IFIH1: variants seen among roughly 807,000 people sequenced by gnomAD.
IFIH1 encodes interferon induced with helicase C domain 1.
In IFIH1, 125 loss-of-function variants were observed where a neutral mutation model predicts 107.4. The observed-to-expected ratio is 1.16, with a 90% confidence interval of 1.01 to 1.35. IFIH1 has a LOEUF of 1.35. Among genes scored for constraint, IFIH1 ranks in the 40% most tolerant of loss-of-function variants. IFIH1 has a pLI of 0.00. For missense variants in IFIH1, 1,333 were observed against 1,213.7 expected (o/e 1.10, Z -1.46); for synonymous variants, 458 against 413.2 (o/e 1.11, Z -1.31).
At chr2:162,304,709 G>T (rs1341777299) in intron 3 of IFIH1, among the ~76,000 whole-genome samples, 1 of 152,104 alleles carries the variant, frequency 6.6e-6, no homozygotes, top group East Asian at 1.9e-4. Context: ...TTTTTCAGCA[G>T]AAATATGAAA....
intron 3 of IFIH1, among the ~76,000 whole-genome samples, chr2:162,298,333 T>C (rs1337781092): frequency 6.6e-6 from 1 of 152,146 alleles, no homozygotes; most frequent in Non-Finnish European, 1.5e-5. Flanking sequence ...ACACTATTTT[T>C]CCCGAAAAGT....
At chr2:162,290,676 A>G (rs1432102111) in intron 4 of IFIH1, among the ~76,000 whole-genome samples, 1 of 151,982 alleles carries the variant, frequency 6.6e-6, no homozygotes, top group East Asian at 1.9e-4. Flanking sequence ...ATACCTGGTT[A>G]GACAGATAGC....
rs1376803972 is a variant in IFIH1, at chr2:162,318,525, G to C, written c.-218C>G. On this transcript the variant is annotated 5_prime_UTR_variant, in exon 1 of 16. Coordinates refer to ENST00000649979, the MANE Select transcript of IFIH1 (RefSeq NM_022168.4). ...GTGGGCAGGCGGGCAGGTGGGCAGCGGGGCGGCGCGCGGGGCCGCGGCAGG... is the reference window on the plus strand; with the variant it reads ...GTGGGCAGGCGGGCAGGTGGGCAGCCGGGCGGCGCGCGGGGCCGCGGCAGG... 1.6e-5 allele frequency: 5 copies of C among 319,254 alleles called. No homozygotes were observed. The highest frequency in any genetic ancestry group is 2.5e-4 in the South Asian group (2 of 8,030). 19.8% of individuals were successfully genotyped at this position (319,254 alleles called of 1,614,324 possible).
intron 5 of IFIH1, among the ~76,000 whole-genome samples, chr2:162,287,279 T>C (rs998077107): frequency 6.6e-6 from 1 of 151,894 alleles, no homozygotes; most frequent in Admixed American, 6.6e-5. Context: ...TTTTACAGTC[T>C]ACTGCTTTTT....
chr2:162,294,536 A>G (rs910234629), intron 3 of IFIH1, among the ~76,000 whole-genome samples: 9 of 151,940 alleles, frequency 5.9e-5, no homozygotes, highest in African/African-American at 2.2e-4. Context: ...AAAATTTGCT[A>G]TTCACTTTGC....
At chr2:162,297,006 G>A (rs370598520) in intron 3 of IFIH1, among the ~76,000 whole-genome samples, 3 of 151,918 alleles carry the variant, frequency 2.0e-5, no homozygotes, top group South Asian at 2.1e-4. Context: ...AAATTCTTAT[G>A]CATTTTGATA....
chr2:162,283,395 G>C (rs1576227549), intron 5 of IFIH1, among the ~76,000 whole-genome samples: 1 of 151,838 alleles, frequency 6.6e-6, no homozygotes, highest in African/African-American at 2.4e-5. Context: ...ATCTGCTGAA[G>C]GTAGCTGGGT....
intron 1 of IFIH1, among the ~76,000 whole-genome samples, chr2:162,312,993 T>G (rs1375364910): frequency 2.0e-5 from 3 of 152,174 alleles, no homozygotes; most frequent in Non-Finnish European, 4.4e-5. Context: ...TTAAGTCAAC[T>G]TTTACTGTGG....
chr2:162,283,776 T>C lies in IFIH1; in HGVS notation c.1096-1200A>G, dbSNP rs533978699. ...TTATGAAGAACACTGGTTTACTTTATTATTTAGTGGAAATGATGGAGGCTT... is the reference window on the plus strand; with the variant it reads ...TTATGAAGAACACTGGTTTACTTTACTATTTAGTGGAAATGATGGAGGCTT... On this transcript the variant is annotated intron_variant, in intron 5 of 15. Coordinates refer to ENST00000649979, the MANE Select transcript of IFIH1 (RefSeq NM_022168.4). Among the ~76,000 whole-genome samples the C allele has an allele frequency of 2.2e-4, 33 of 152,102 alleles. 1 individual carries two copies. The South Asian group carries it at 3.1e-3, about 14-fold the overall frequency.
chr2:162,311,539 T>C (rs906131358), intron 1 of IFIH1, among the ~76,000 whole-genome samples: 1 of 152,162 alleles, frequency 6.6e-6, no homozygotes, highest in Non-Finnish European at 1.5e-5. Flanking sequence ...TTTATTGTTA[T>C]ATCTTTTTTT....
Position 162,306,723 on chromosome 2 carries a change from G to T in IFIH1, c.755C>A (p.Ser252Tyr), listed in dbSNP as rs370138586. 6.2e-7 allele frequency: 1 copy of T among 1,613,662 alleles called. No homozygotes were observed. The highest frequency in any genetic ancestry group is 8.5e-7 in the Non-Finnish European group (1 of 1,179,788). The part of the protein sequence containing the change: ...NNSSESSFAD[S>Y]SVVSESDTSL... Reference sequence around the variant, plus strand: ...GTTTCAAGTACCTGAAACTACAGAAGAATCTGCAAAAGATGATTCTGATGA... The same window carrying T: ...GTTTCAAGTACCTGAAACTACAGAATAATCTGCAAAAGATGATTCTGATGA... Residue 252 changes from serine to tyrosine, a missense_variant, in exon 3 of 16, where the codon TCT (serine) becomes TAT (tyrosine). Coordinates refer to ENST00000649979, the MANE Select transcript of IFIH1 (RefSeq NM_022168.4).
intron 12 of IFIH1, among the ~76,000 whole-genome samples, chr2:162,272,598 A>G (rs1170333778): frequency 6.6e-6 from 1 of 152,198 alleles, no homozygotes; most frequent in Non-Finnish European, 1.5e-5. Flanking sequence ...TTAATACAGA[A>G]AAAGTGTTCT....
chr2:162,314,446 T>C (rs1382270432), intron 1 of IFIH1, among the ~76,000 whole-genome samples: 1 of 121,894 alleles, frequency 8.2e-6, no homozygotes, highest in Non-Finnish European at 1.6e-5. Context: ...CTTTCTTTCT[T>C]TCTTTCTTTC....
chr2:162,294,487 G>A (rs2105215440), intron 3 of IFIH1, among the ~76,000 whole-genome samples: 1 of 151,982 alleles, frequency 6.6e-6, no homozygotes, highest in East Asian at 1.9e-4. Flanking sequence ...TAAAGCAATG[G>A]TGGTTACTAA....
chr2:162,274,290 G>T (rs1559811098), intron 11 of IFIH1, among the ~76,000 whole-genome samples: 1 of 152,134 alleles, frequency 6.6e-6, no homozygotes, highest in Non-Finnish European at 1.5e-5. Flanking sequence ...AAGCTAAAAT[G>T]GGCTTTTTTC....
At chr2:162,303,002 T>G (rs1683218079) in intron 3 of IFIH1, among the ~76,000 whole-genome samples, 3 of 152,236 alleles carry the variant, frequency 2.0e-5, no homozygotes, top group Admixed American at 1.3e-4. Flanking sequence ...GACTATTATA[T>G]ATTTTAATAC....
intron 4 of IFIH1, among the ~76,000 whole-genome samples, chr2:162,291,281 G>A (rs1682993485): frequency 6.6e-6 from 1 of 151,810 alleles, no homozygotes; most frequent in Non-Finnish European, 1.5e-5. Flanking sequence ...TTCTTGGAGA[G>A]AAAAGGTCTG....
Position 162,272,363 on chromosome 2 carries a change from CA to C in IFIH1, c.2478del (p.Asp826GlufsTer28). ...TGAGCAACCAGGACGTAGGTGCTCT[CA>C]TCAGCTCTGGCTCGACCACGGGCCT... ...MVQARGRARA[D>X]ESTYVLVAHS... On this transcript the variant is annotated frameshift_variant, in exon 13 of 16. Coordinates refer to ENST00000649979, the MANE Select transcript of IFIH1 (RefSeq NM_022168.4). LOFTEE classifies it high-confidence loss of function. 1.2e-6 allele frequency: 2 copies of C among 1,613,414 alleles called. No individual in the cohort carries two copies.
At chr2:162,314,372 C>T (rs1430482010) in intron 1 of IFIH1, among the ~76,000 whole-genome samples, 5 of 28,018 alleles carry the variant, frequency 1.8e-4, no homozygotes, top group South Asian at 2.2e-3. Flanking sequence ...CCTTCCTTCC[C>T]TCCCTCCCTC....
Sources: allele counts gnomAD v4.1 joint callset (sites outside exome capture counted in the v4.1 genomes callset), GRCh38; gene constraint gnomAD v4.1.1; transcripts MANE v1.5; gene names NCBI Gene and HGNC (gene_info 2026-07-23, HGNC 2026-07-21).